DIAPH2: variants seen among roughly 807,000 people sequenced by gnomAD.
DIAPH2 encodes diaphanous related formin 2.
DIAPH2 carries 35 observed loss-of-function variants against 92.7 expected under a neutral mutation model. That is an observed-to-expected ratio of 0.38 (90% CI 0.29 to 0.50). The LOEUF (loss-of-function observed/expected upper bound fraction) is 0.50, where lower values mean the gene tolerates loss of function less well. Among genes scored for constraint, DIAPH2 ranks in the 20% least tolerant of loss-of-function variants. The pLI is 0.94. For missense variants in DIAPH2, 701 were observed against 819.5 expected, an observed-to-expected ratio of 0.86 and a Z score of 1.77; for synonymous variants, 301 against 280.4, an observed-to-expected ratio of 1.07 and a Z score of -0.73.
intron 17 of DIAPH2, among the ~76,000 whole-genome samples, chrX:97,024,015 G>A (rs1478559070): frequency 9.0e-6 from 1 of 111,656 alleles, no homozygotes; most frequent in Non-Finnish European, 1.9e-5. Context: ...GCAAGTTATA[G>A]TCTATCTAAA....
intron 22 of DIAPH2, among the ~76,000 whole-genome samples, chrX:97,244,625 A>C (rs2068124106): frequency 8.9e-6 from 1 of 112,035 alleles, no homozygotes; most frequent in East Asian, 2.8e-4. Flanking sequence ...GGTTTTCTAT[A>C]GTATGTTTGA....
At chrX:97,386,351 G>A (rs1159016008) in intron 25 of DIAPH2, among the ~76,000 whole-genome samples, 1 of 111,916 alleles carries the variant, frequency 8.9e-6, no homozygotes, top group African/African-American at 3.2e-5. Flanking sequence ...AGTTATCATT[G>A]AAAAGGTGAA....
chrX:97,547,729 G>A (rs1325328820), intron 26 of DIAPH2, among the ~76,000 whole-genome samples: 1 of 111,940 alleles, frequency 8.9e-6, no homozygotes, highest in Non-Finnish European at 1.9e-5. Flanking sequence ...TGTGAGGCAA[G>A]CTCTGTCAAT....
chrX:96,771,101 A>T (rs2064335951), intron 4 of DIAPH2, among the ~76,000 whole-genome samples: 1 of 111,975 alleles, frequency 8.9e-6, no homozygotes, highest in African/African-American at 3.2e-5. Flanking sequence ...TGTTCAATGA[A>T]TGCTGAAATA....
intron 23 of DIAPH2, among the ~76,000 whole-genome samples, chrX:97,291,539 C>CT (rs755088053): frequency 1.5e-3 from 152 of 104,747 alleles, no homozygotes; most frequent in African/African-American, 4.1e-3. Context: ...AAAGTAAACA[C>CT]TTTTTTTTTT....
intron 4 of DIAPH2, among the ~76,000 whole-genome samples, chrX:96,807,308 A>G (rs957289734): frequency 1.1e-4 from 12 of 111,535 alleles, no homozygotes; most frequent in Non-Finnish European, 2.1e-4. Context: ...TCACAGATAA[A>G]CTGAGGTACA....
chrX:97,306,165 C>T (rs541948432), intron 23 of DIAPH2, among the ~76,000 whole-genome samples: 79 of 111,530 alleles, frequency 7.1e-4, no homozygotes, highest in Admixed American at 2.4e-3. Flanking sequence ...CCCATCATTT[C>T]CTCTCTCCTT....
chrX:96,782,560 A>T (rs1401162988), intron 4 of DIAPH2, among the ~76,000 whole-genome samples: 3 of 110,840 alleles, frequency 2.7e-5, no homozygotes, highest in Non-Finnish European at 5.7e-5. Flanking sequence ...CGGCCTCCCA[A>T]AGTGCTGGGA....
chrX:96,925,192 T>G (rs1024486625), intron 9 of DIAPH2, among the ~76,000 whole-genome samples: 3 of 110,713 alleles, frequency 2.7e-5, no homozygotes, highest in African/African-American at 9.9e-5. Flanking sequence ...TATGTTCAGC[T>G]GCCTCCTGAC....
At chrX:97,400,768 A>G (rs2069748508) in intron 25 of DIAPH2, among the ~76,000 whole-genome samples, 1 of 111,682 alleles carries the variant, frequency 9.0e-6, no homozygotes, top group Admixed American at 9.6e-5. Flanking sequence ...ATCATGCAGT[A>G]TTTGTTTTTG....
intron 26 of DIAPH2, among the ~76,000 whole-genome samples, chrX:97,482,860 A>G (rs1176800045): frequency 2.7e-5 from 3 of 111,806 alleles, no homozygotes; most frequent in African/African-American, 9.8e-5. Flanking sequence ...GAATGAAATA[A>G]TGCACTACTT....
chrX:97,357,711 A>G (rs938366092), intron 24 of DIAPH2, among the ~76,000 whole-genome samples: 4 of 112,312 alleles, frequency 3.6e-5, no homozygotes, highest in African/African-American at 1.3e-4. Flanking sequence ...TAATAGAACA[A>G]TGAGTGAATC....
In DIAPH2 at chrX:97,205,055, C is replaced by CA. The variant is rs200774250; in HGVS notation, c.2720-42651dup. 5.3e-3 allele frequency among the ~76,000 whole-genome samples: 572 copies of CA among 108,168 alleles called. 3 individuals carry two copies. Among genetic ancestry groups the CA allele is most frequent in the African/African-American group, 0.018 (521 of 29,768 alleles). 93.9% of individuals were successfully genotyped at this position (108,168 alleles called of 115,157 possible). On this transcript the variant is annotated intron_variant, in intron 22 of 26. Coordinates refer to ENST00000324765, the MANE Select transcript of DIAPH2 (RefSeq NM_006729.5). ...ACCATCTGATCTTCAACAAAACTGA[C>CA]AAAAAAAAAGCAATGGGGAAATGAT...
At chrX:97,168,734 C>T (rs2067430561) in intron 22 of DIAPH2, among the ~76,000 whole-genome samples, 1 of 111,816 alleles carries the variant, frequency 8.9e-6, no homozygotes, top group Non-Finnish European at 1.9e-5. Flanking sequence ...TCTCAGAGAT[C>T]TGGAAGTTGG....
intron 26 of DIAPH2, among the ~76,000 whole-genome samples, chrX:97,554,245 A>T (rs569466987): frequency 9.0e-6 from 1 of 111,648 alleles, no homozygotes; most frequent in South Asian, 3.8e-4. Flanking sequence ...TGCCTCACAG[A>T]TACTACTTCT....
At chrX:97,318,383 A>G (rs1315338873) in intron 23 of DIAPH2, among the ~76,000 whole-genome samples, 1 of 107,500 alleles carries the variant, frequency 9.3e-6, no homozygotes, top group African/African-American at 3.4e-5. Flanking sequence ...GTGATCCACC[A>G]GCCTCGGCCT....
intron 17 of DIAPH2, among the ~76,000 whole-genome samples, chrX:96,967,593 T>C (rs1476829680): frequency 9.1e-6 from 1 of 109,972 alleles, no homozygotes; most frequent in Non-Finnish European, 1.9e-5. Flanking sequence ...ATTTTTGTAT[T>C]TTTAGTAGAG....
At chrX:97,553,740 A>T (rs1273210938) in intron 26 of DIAPH2, among the ~76,000 whole-genome samples, 2 of 110,622 alleles carry the variant, frequency 1.8e-5, no homozygotes, top group Non-Finnish European at 3.8e-5. Context: ...GTTTTAAAAA[A>T]GTATGAGAAA....
At chrX:97,346,697 G>A (rs1447118761) in intron 23 of DIAPH2, among the ~76,000 whole-genome samples, 2 of 111,298 alleles carry the variant, frequency 1.8e-5, no homozygotes, top group Non-Finnish European at 3.8e-5. Flanking sequence ...TCAGGCAAAG[G>A]GGGTATGATC....
Sources: gnomAD v4.1 joint callset for allele counts (sites outside exome capture counted in the v4.1 genomes callset) on GRCh38, gnomAD v4.1.1 for gene constraint, MANE v1.5 for transcripts, NCBI Gene and HGNC (gene_info 2026-07-23, HGNC 2026-07-21) for gene names.